PDE1A: variants seen among roughly 807,000 people sequenced by gnomAD.
PDE1A encodes the protein dual specificity calcium/calmodulin-dependent 3',5'-cyclic nucleotide phosphodiesterase 1A.
In PDE1A, 35 loss-of-function variants were observed where a neutral mutation model predicts 61.7. That is an observed-to-expected ratio of 0.57 (90% CI 0.43 to 0.75). PDE1A has a LOEUF of 0.75. Ranked by LOEUF, PDE1A falls within the 30% of genes least tolerant of loss-of-function variation. PDE1A has a pLI of 0.00. For missense variants in PDE1A, 597 were observed against 630.6 expected, an observed-to-expected ratio of 0.95 and a Z score of 0.57; for synonymous variants, 232 against 213.2, an observed-to-expected ratio of 1.09 and a Z score of -0.77.
intron 2 of PDE1A, among the ~76,000 whole-genome samples, chr2:182,466,986 T>G (rs552401517): frequency 2.6e-5 from 4 of 152,158 alleles, no homozygotes; most frequent in African/African-American, 9.6e-5. Flanking sequence ...ATTTGTCTTT[T>G]GAGCTGCTAG....
chr2:182,679,910 A>T, the PDE1A span, among the ~76,000 whole-genome samples: 89 of 152,332 alleles, frequency 5.8e-4, no homozygotes, highest in African/African-American at 2.1e-3. Flanking sequence ...TAGGGGGAAG[A>T]TGGGAGGAAG....
At chr2:182,481,503 A>C (rs1303368605) in intron 2 of PDE1A, among the ~76,000 whole-genome samples, 3 of 151,954 alleles carry the variant, frequency 2.0e-5, no homozygotes, top group African/African-American at 7.2e-5. Context: ...CTAACTACAG[A>C]AAAAGGAAAG....
the PDE1A span, among the ~76,000 whole-genome samples, chr2:182,556,887 C>A: frequency 6.6e-6 from 1 of 152,060 alleles, no homozygotes; most frequent in African/African-American, 2.4e-5. Flanking sequence ...ATATTGTTAA[C>A]GAATAAATAA....
At chr2:182,267,812 T>C (rs1472994643) in intron 1 of PDE1A, among the ~76,000 whole-genome samples, 1 of 152,066 alleles carries the variant, frequency 6.6e-6, no homozygotes, top group African/African-American at 2.4e-5. Flanking sequence ...TCAAACATCT[T>C]CATGAATAAT....
chr2:182,226,538 T>C (rs1176269582), intron 6 of PDE1A, among the ~76,000 whole-genome samples: 1 of 149,808 alleles, frequency 6.7e-6, no homozygotes, highest in Non-Finnish European at 1.5e-5. Flanking sequence ...TGTTAGTTCC[T>C]TAGCTGCTGA....
chr2:182,585,358 T>C, the PDE1A span, among the ~76,000 whole-genome samples: 1 of 152,206 alleles, frequency 6.6e-6, no homozygotes, highest in African/African-American at 2.4e-5. Context: ...TTTTTATTCT[T>C]CAATGTCCTC....
the PDE1A span, among the ~76,000 whole-genome samples, chr2:182,641,307 C>T: frequency 6.6e-6 from 1 of 151,932 alleles, no homozygotes; most frequent in Non-Finnish European, 1.5e-5. Flanking sequence ...TTTAGGATTA[C>T]CTAACCAGAA....
At chr2:182,600,481 G>A in the PDE1A span, among the ~76,000 whole-genome samples, 1 of 152,162 alleles carries the variant, frequency 6.6e-6, no homozygotes, top group Non-Finnish European at 1.5e-5. Context: ...TTCCTTCATG[G>A]AGAGAGCTGT....
At chr2:182,311,017 T>C (rs1188262254) in intron 1 of PDE1A, among the ~76,000 whole-genome samples, 2 of 149,582 alleles carry the variant, frequency 1.3e-5, no homozygotes, top group Non-Finnish European at 3.0e-5. Flanking sequence ...CAGTGGAGGA[T>C]GCCAAGACCT....
chr2:182,188,999 A>G (rs761278218), exon 11 of PDE1A: 5 of 1,612,414 alleles, frequency 3.1e-6, no homozygotes, highest in Non-Finnish European at 3.4e-6. Context: ...CTGGGCCACC[A>G]TGGTTGACTT....
At chr2:182,200,244 G>T (rs12475647) in intron 10 of PDE1A, among the ~76,000 whole-genome samples, 31,228 of 152,090 alleles carry the variant, frequency 0.21, 3,438 homozygotes, top group East Asian at 0.33. Flanking sequence ...GGAGACTCTA[G>T]GCTAATGAGG....
intron 4 of PDE1A, among the ~76,000 whole-genome samples, chr2:182,233,193 T>C (rs1644644386): frequency 6.6e-6 from 1 of 152,130 alleles, no homozygotes; most frequent in African/African-American, 2.4e-5. Flanking sequence ...GAAGGCAAAA[T>C]CTCTCAAGAA....
intron 1 of PDE1A, among the ~76,000 whole-genome samples, chr2:182,303,775 A>G (rs1695396011): frequency 6.6e-6 from 1 of 152,232 alleles, no homozygotes; most frequent in African/African-American, 2.4e-5. Context: ...TCTGTTGTTT[A>G]AGGAAACTAC....
At chr2:182,255,383 CAT>C (rs1310238809) in intron 2 of PDE1A, among the ~76,000 whole-genome samples, 6 of 152,314 alleles carry the variant, frequency 3.9e-5, no homozygotes, top group African/African-American at 1.2e-4. Context: ...AAGGAGCACA[CAT>C]GAGTGAGTGC....
intron 2 of PDE1A, among the ~76,000 whole-genome samples, chr2:182,440,182 A>G (rs17356200): frequency 0.11 from 16,701 of 152,054 alleles, 1,229 homozygotes; most frequent in Non-Finnish European, 0.17. Context: ...TGGAAGTTCA[A>G]ATCTCAAACT....
At chr2:182,172,057 G>A (rs1394856957) in intron 13 of PDE1A, among the ~76,000 whole-genome samples, 1 of 152,050 alleles carries the variant, frequency 6.6e-6, no homozygotes, top group East Asian at 1.9e-4. Context: ...CATAAAACAT[G>A]AGGAGAAACT....
exon 1 of PDE1A, chr2:182,426,866 GC>G: frequency 7.6e-7 from 1 of 1,310,608 alleles, no homozygotes; most frequent in East Asian, 3.1e-5. Flanking sequence ...AGCAGGGTGT[GC>G]AAAAACCACC....
At chr2:182,436,738 A>G (rs897634010) in intron 2 of PDE1A, among the ~76,000 whole-genome samples, 2 of 151,968 alleles carry the variant, frequency 1.3e-5, no homozygotes, top group African/African-American at 2.4e-5. Context: ...GTAGAATCGC[A>G]TATCTTCATT....
rs1692165808 is a variant in PDE1A at position 182,171,037 on chromosome 2, G to GT, written c.1517-2748dup. 2.0e-5 allele frequency among the ~76,000 whole-genome samples: 3 copies of GT among 151,670 alleles called. No homozygotes were observed. The South Asian group carries it at 6.2e-4, about 32-fold the overall frequency. ...TCTAGTGAAAAACACTTCTAGTTTTGTTTTTAAATTTTTTAACCAGTGATA... is the reference window on the plus strand; with the variant it reads ...TCTAGTGAAAAACACTTCTAGTTTTGTTTTTTAAATTTTTTAACCAGTGATA... On this transcript the variant is annotated intron_variant, in intron 13 of 13. Coordinates refer to ENST00000351439, the Ensembl canonical transcript of PDE1A.
Sources: allele counts gnomAD v4.1 joint callset (sites outside exome capture counted in the v4.1 genomes callset), GRCh38; gene constraint gnomAD v4.1.1; transcripts MANE v1.5; gene names NCBI Gene and HGNC (gene_info 2026-07-23, HGNC 2026-07-21).